Variants in PRIM2 observed in about 807,000 individuals in gnomAD.
PRIM2 encodes the protein DNA primase subunit 2.
A neutral mutation model predicts 67.3 loss-of-function variants in PRIM2; 39 were observed. The observed-to-expected ratio is 0.58, with a 90% confidence interval of 0.45 to 0.76. PRIM2 has a LOEUF of 0.76. Among genes scored for constraint, PRIM2 ranks in the 30% least tolerant of loss-of-function variants. The probability of loss-of-function intolerance (pLI) is 0.00; values close to 1 mark genes in which losing one functional copy is unlikely to be tolerated. For missense variants in PRIM2, 398 were observed against 598.7 expected (o/e 0.66, Z 3.50); for synonymous variants, 143 against 198.7 (o/e 0.72, Z 2.36).
intron 7 of PRIM2, among the ~76,000 whole-genome samples, chr6:57,488,143 A>C (rs1191648053): frequency 6.6e-6 from 1 of 152,192 alleles, no homozygotes; most frequent in East Asian, 1.9e-4. Flanking sequence ...TGTTCTTTCC[A>C]TCTGACTTCT....
At chr6:57,330,483 G>A (rs1768023682) in intron 5 of PRIM2, among the ~76,000 whole-genome samples, 1 of 148,994 alleles carries the variant, frequency 6.7e-6, no homozygotes, top group South Asian at 2.1e-4. Context: ...GCCTCCCGCC[G>A]GCCACCACAC....
At chr6:57,389,266 T>C (rs1241825873) in intron 7 of PRIM2, among the ~76,000 whole-genome samples, 1 of 152,092 alleles carries the variant, frequency 6.6e-6, no homozygotes, top group Non-Finnish European at 1.5e-5. Context: ...CAACAGTGCC[T>C]GGCTAAGTTT....
At chr6:57,599,402 C>T (rs2063575350) in intron 10 of PRIM2, among the ~76,000 whole-genome samples, 1 of 151,540 alleles carries the variant, frequency 6.6e-6, no homozygotes, top group African/African-American at 2.4e-5. Flanking sequence ...CTTTTTAGGA[C>T]ATAACTTCTC....
chr6:57,420,362 G>A (rs1034103891), intron 7 of PRIM2, among the ~76,000 whole-genome samples: 2 of 152,034 alleles, frequency 1.3e-5, no homozygotes, highest in African/African-American at 4.8e-5. Context: ...AATTAGCTGG[G>A]TGTGGTGGCG....
At chr6:57,520,264 G>A (rs1554348765) in intron 8 of PRIM2, among the ~76,000 whole-genome samples, 2 of 152,184 alleles carry the variant, frequency 1.3e-5, no homozygotes, top group Admixed American at 1.3e-4. Flanking sequence ...CATCTCAGTA[G>A]CATTCCACAT....
the PRIM2 span, among the ~76,000 whole-genome samples, chr6:57,274,223 G>C: frequency 1.3e-5 from 2 of 152,236 alleles, no homozygotes; most frequent in African/African-American, 4.8e-5. Flanking sequence ...CCTGCCCCCA[G>C]AGGTGGAGCC....
intron 7 of PRIM2, among the ~76,000 whole-genome samples, chr6:57,430,400 A>T (rs1771777802): frequency 2.6e-5 from 4 of 151,834 alleles, no homozygotes; most frequent in Non-Finnish European, 1.5e-5. Context: ...GGAAAACGAA[A>T]GTAATTTTGT....
chr6:57,455,297 T>G (rs1448168632), intron 7 of PRIM2, among the ~76,000 whole-genome samples: 1 of 152,224 alleles, frequency 6.6e-6, no homozygotes, highest in African/African-American at 2.4e-5. Flanking sequence ...AGTTGTCTAT[T>G]AGGTCCACTT....
chr6:57,439,414 T>G lies in PRIM2; in HGVS notation c.693+57246T>G, dbSNP rs1441771187. Among the ~76,000 whole-genome samples the G allele has an allele frequency of 2.9e-3, 344 of 119,686 alleles. 3 individuals are homozygous for G. The highest frequency in any genetic ancestry group is 0.013 in the African/African-American group (333 of 25,986). 78.5% of individuals were successfully genotyped at this position (119,686 alleles called of 152,430 possible). On this transcript the variant is annotated intron_variant, in intron 7 of 13. Coordinates refer to ENST00000615550, the MANE Select transcript of PRIM2 (RefSeq NM_000947.5). ...GAGTAGAGGTACTCTGTTTTTTTTTTTTTTTTTTTTTTTTTTTTTGAGACA... is the reference window on the plus strand; with the variant it reads ...GAGTAGAGGTACTCTGTTTTTTTTTGTTTTTTTTTTTTTTTTTTTGAGACA...
chr6:57,335,119 G>A (rs377633586), intron 5 of PRIM2, among the ~76,000 whole-genome samples: 3 of 151,980 alleles, frequency 2.0e-5, no homozygotes, highest in East Asian at 1.9e-4. Context: ...CTGGAAAATC[G>A]GGTCACTCCC....
intron 5 of PRIM2, among the ~76,000 whole-genome samples, chr6:57,361,384 C>G (rs17705499): frequency 6.6e-6 from 1 of 151,026 alleles, no homozygotes; most frequent in African/African-American, 2.4e-5. Context: ...GGATTAGAAC[C>G]GTGACTTAGG....
At chr6:57,644,663 G>C (rs1272119265) in intron 13 of PRIM2, among the ~76,000 whole-genome samples, 1 of 152,196 alleles carries the variant, frequency 6.6e-6, no homozygotes, top group Admixed American at 6.5e-5. Context: ...CAGTGTGCAA[G>C]TCACTTCAGT....
chr6:57,414,835 C>T (rs1771205556), intron 7 of PRIM2, among the ~76,000 whole-genome samples: 1 of 151,730 alleles, frequency 6.6e-6, no homozygotes, highest in African/African-American at 2.4e-5. Flanking sequence ...TTTCTTTTAC[C>T]TCAGGAACTT....
intron 12 of PRIM2, among the ~76,000 whole-genome samples, chr6:57,628,569 G>A (rs1432941878): frequency 6.6e-6 from 1 of 152,132 alleles, no homozygotes; most frequent in Non-Finnish European, 1.5e-5. Flanking sequence ...GCTGAGGCTT[G>A]GGCTGCTAAT....
chr6:57,384,076 A>G (rs1770052874), intron 7 of PRIM2, among the ~76,000 whole-genome samples: 1 of 152,176 alleles, frequency 6.6e-6, no homozygotes, highest in East Asian at 1.9e-4. Flanking sequence ...CTTTCTCTGA[A>G]TATGTCTTTA....
chr6:57,444,755 A>G (rs974479921), intron 7 of PRIM2, among the ~76,000 whole-genome samples: 8 of 152,174 alleles, frequency 5.3e-5, no homozygotes, highest in Non-Finnish European at 1.0e-4. Context: ...TATAAGAAGG[A>G]AAAGCTAAAA....
chr6:57,262,329 T>G, the PRIM2 span, among the ~76,000 whole-genome samples: 1 of 152,214 alleles, frequency 6.6e-6, no homozygotes, highest in Non-Finnish European at 1.5e-5. Context: ...TGTCTTTTTT[T>G]TTACATACCG....
chr6:57,335,551 A>G (rs1768207786), intron 5 of PRIM2, among the ~76,000 whole-genome samples: 1 of 152,030 alleles, frequency 6.6e-6, no homozygotes, highest in Admixed American at 6.6e-5. Flanking sequence ...TGGGTCCCTG[A>G]CCCCTGACCC....
intron 5 of PRIM2, among the ~76,000 whole-genome samples, chr6:57,377,574 A>G (rs1769811467): frequency 1.3e-5 from 2 of 151,686 alleles, no homozygotes; most frequent in Admixed American, 1.3e-4. Context: ...GAATCACTAG[A>G]TAAGTTGAAA....
Sources: allele counts gnomAD v4.1 joint callset (sites outside exome capture counted in the v4.1 genomes callset), GRCh38; gene constraint gnomAD v4.1.1; transcripts MANE v1.5; gene names NCBI Gene and HGNC (gene_info 2026-07-23, HGNC 2026-07-21).